Variants in FAM227B observed in about 807,000 individuals in gnomAD.
FAM227B encodes the protein protein FAM227B.
In FAM227B, 88 loss-of-function variants were observed where a neutral mutation model predicts 73.8. The observed-to-expected ratio is 1.19, with a 90% CI of 1.00 to 1.42. FAM227B has a LOEUF of 1.42. Among genes scored for constraint, FAM227B ranks in the 40% most tolerant of loss-of-function variants. The pLI is 0.00. For missense variants in FAM227B, 632 were observed against 590.9 expected (o/e 1.07, Z -0.72); for synonymous variants, 210 against 190.5 (o/e 1.10, Z -0.84).
chr15:49,504,892 T>C (rs1470010906), intron 11 of FAM227B, among the ~76,000 whole-genome samples: 2 of 152,174 alleles, frequency 1.3e-5, no homozygotes, highest in Non-Finnish European at 2.9e-5. Flanking sequence ...ATCCCACTAC[T>C]AGATGTTTAT....
At chr15:49,453,868 A>C (rs1429568846) in intron 11 of FAM227B, among the ~76,000 whole-genome samples, 1 of 152,148 alleles carries the variant, frequency 6.6e-6, no homozygotes, top group Non-Finnish European at 1.5e-5. Context: ...ATTTTACATA[A>C]GAGTTCTGAT....
At chr15:49,495,433 T>C (rs184795804) in intron 11 of FAM227B, among the ~76,000 whole-genome samples, 81 of 152,312 alleles carry the variant, frequency 5.3e-4, no homozygotes, top group South Asian at 3.5e-3. Flanking sequence ...CTTCTGTTCA[T>C]ATAGTCTTTC....
At chr15:49,499,047 TC>T (rs1275566373) in intron 11 of FAM227B, among the ~76,000 whole-genome samples, 2 of 148,760 alleles carry the variant, frequency 1.3e-5, no homozygotes, top group East Asian at 3.9e-4. Flanking sequence ...GCGCCTGTAG[TC>T]CCAGCTACTT....
chr15:49,369,932 A>G (rs11070688), intron 12 of FAM227B, among the ~76,000 whole-genome samples: 144,938 of 152,236 alleles, frequency 0.95, 69,067 homozygotes, highest in African/African-American at 0.99. Flanking sequence ...AGAGCTCTTC[A>G]TAATTAGGTT....
chr15:49,334,410 T>C (rs1350604584), intron 14 of FAM227B: 1 of 169,286 alleles, frequency 5.9e-6, no homozygotes, highest in African/African-American at 2.4e-5. Flanking sequence ...TACAAACCAA[T>C]TCATTCCCTC....
At chr15:49,471,731 C>T (rs2054790911) in intron 11 of FAM227B, among the ~76,000 whole-genome samples, 1 of 151,968 alleles carries the variant, frequency 6.6e-6, no homozygotes, top group South Asian at 2.1e-4. Context: ...TCCAGAAAAG[C>T]TAGCTGACAT....
At chr15:49,336,181 C>T (rs561152414) in intron 13 of FAM227B, among the ~76,000 whole-genome samples, 5 of 152,330 alleles carry the variant, frequency 3.3e-5, no homozygotes, top group African/African-American at 9.6e-5. Context: ...TGGCAGCATG[C>T]GTGGCTGCCT....
intron 4 of FAM227B, among the ~76,000 whole-genome samples, chr15:49,588,546 ACTATATATATATATATATATATATAT>A (rs1567647213): frequency 7.2e-5 from 3 of 41,482 alleles, no homozygotes; most frequent in African/African-American, 1.8e-4. Flanking sequence ...CATATTGAGG[ACTATATATATATATATATATATATAT>A]ATATATATAT....
At chr15:49,459,891 T>C (rs2053640349) in intron 11 of FAM227B, among the ~76,000 whole-genome samples, 1 of 152,170 alleles carries the variant, frequency 6.6e-6, no homozygotes, top group South Asian at 2.1e-4. Flanking sequence ...TGGAGGTATT[T>C]ACACAATGTA....
chr15:49,337,535 T>TA (rs2039961359), intron 13 of FAM227B, among the ~76,000 whole-genome samples: 1 of 139,530 alleles, frequency 7.2e-6, no homozygotes, highest in Non-Finnish European at 1.5e-5. Flanking sequence ...TTTTTTTTTT[T>TA]AGTATTATAC....
rs111655715 is a variant in FAM227B at position 49,501,728 on chromosome 15, G to C, written c.1012+6483C>G. Among the ~76,000 whole-genome samples, 381 of 152,316 alleles carry C rather than the reference G, an allele frequency of 2.5e-3. 2 individuals carry two copies. The highest frequency in any genetic ancestry group is 8.8e-3 in the African/African-American group (367 of 41,584). On this transcript the variant is annotated intron_variant, in intron 11 of 15. Coordinates refer to ENST00000299338, the MANE Select transcript of FAM227B (RefSeq NM_152647.3). Reference sequence around the variant, plus strand: ...CTAGAGAAATTTGCATAACAAAAGGGAGCCAAGTGCTAATAACCAAGACAA... The same window carrying C: ...CTAGAGAAATTTGCATAACAAAAGGCAGCCAAGTGCTAATAACCAAGACAA...
chr15:49,607,115 T>C (rs757901919), intron 3 of FAM227B, among the ~76,000 whole-genome samples: 2 of 152,294 alleles, frequency 1.3e-5, no homozygotes, highest in Non-Finnish European at 2.9e-5. Flanking sequence ...CTGTTCCATC[T>C]CCTTTTTTCT....
chr15:49,497,258 C>T (rs1018687118), intron 11 of FAM227B, among the ~76,000 whole-genome samples: 9 of 152,134 alleles, frequency 5.9e-5, no homozygotes, highest in African/African-American at 2.2e-4. Context: ...TATAGGAAAG[C>T]CTCCAAACAA....
rs117015507 is a variant in FAM227B at position 49,557,272 on chromosome 15, G to T, written c.747+10973C>A. Reference sequence around the variant, plus strand: ...TTTTTTTTCTTATAACTTGCTTTTGGCCATTTTATTACTTCTTTGTACCTT... The same window carrying T: ...TTTTTTTTCTTATAACTTGCTTTTGTCCATTTTATTACTTCTTTGTACCTT... On this transcript the variant is annotated intron_variant, in intron 9 of 15. Transcript: ENST00000299338. Among the ~76,000 whole-genome samples, 761 of 151,812 alleles carry T rather than the reference G, an allele frequency of 5.0e-3. 8 individuals carry two copies. The highest frequency in any genetic ancestry group is 0.011 in the South Asian group (55 of 4,808).
intron 10 of FAM227B, among the ~76,000 whole-genome samples, chr15:49,524,857 A>C (rs544679391): frequency 3.3e-5 from 5 of 152,294 alleles, no homozygotes; most frequent in African/African-American, 1.2e-4. Context: ...TCAGACTTGC[A>C]TGGGGTCCGT....
At chr15:49,422,178 G>A (rs1398502169) in intron 11 of FAM227B, among the ~76,000 whole-genome samples, 3 of 134,186 alleles carry the variant, frequency 2.2e-5, no homozygotes, top group Non-Finnish European at 3.2e-5. Context: ...GCGCGCGCGC[G>A]TGCACGCGTG....
chr15:49,519,570 G>A (rs1911620), intron 10 of FAM227B, among the ~76,000 whole-genome samples: 48,473 of 151,910 alleles, frequency 0.32, 8,342 homozygotes, highest in African/African-American at 0.43. Context: ...GTAAGCCACC[G>A]AGGCTTGCAC....
At chr15:49,513,753 C>T (rs566877552) in intron 10 of FAM227B, among the ~76,000 whole-genome samples, 1 of 152,034 alleles carries the variant, frequency 6.6e-6, no homozygotes, top group African/African-American at 2.4e-5. Flanking sequence ...GTCTTTAATC[C>T]ATCTTGAGTT....
chr15:49,606,422 T>G (rs1184487036), intron 3 of FAM227B, among the ~76,000 whole-genome samples: 1 of 152,178 alleles, frequency 6.6e-6, no homozygotes, highest in African/African-American at 2.4e-5. Flanking sequence ...TTTAATATAT[T>G]TACTTATTTG....
Sources: gnomAD v4.1 joint callset for allele counts (sites outside exome capture counted in the v4.1 genomes callset) on GRCh38, gnomAD v4.1.1 for gene constraint, MANE v1.5 for transcripts, NCBI Gene and HGNC (gene_info 2026-07-23, HGNC 2026-07-21) for gene names.